The following ANK3 variants were observed in gnomAD, a reference collection of about 807,000 sequenced individuals.
ANK3 encodes ankyrin-3.
Under a neutral mutation model 370.9 loss-of-function variants are expected in ANK3, and 57 were observed. The ratio of observed to expected loss-of-function variants is 0.15; its 90% CI spans 0.12 to 0.19. ANK3 has a LOEUF of 0.19. Ranked by LOEUF, ANK3 falls within the 10% of genes least tolerant of loss-of-function variation. ANK3 has a pLI of 1.00. For missense variants in ANK3, 4,439 were observed against 5,302.1 expected (o/e 0.84, Z 5.06); for synonymous variants, 1,929 against 1,946.3 (o/e 0.99, Z 0.23).
intron 5 of ANK3, among the ~76,000 whole-genome samples, chr10:60,266,781 C>A (rs2097886996): frequency 6.6e-6 from 1 of 152,166 alleles, no homozygotes; most frequent in Non-Finnish European, 1.5e-5. Flanking sequence ...TTGCTTTGTG[C>A]AGTTATTCTT....
intron 1 of ANK3, among the ~76,000 whole-genome samples, chr10:60,314,502 T>A (rs541199237): frequency 6.6e-6 from 1 of 152,284 alleles, no homozygotes; most frequent in Admixed American, 6.5e-5. Flanking sequence ...AGACAGGAAA[T>A]GCAAATGAGG....
chr10:60,613,814 C>G (rs1434806394), intron 2 of ANK3, among the ~76,000 whole-genome samples: 1 of 152,208 alleles, frequency 6.6e-6, no homozygotes, highest in South Asian at 2.1e-4. Context: ...TGGCTCACGC[C>G]TGTAATCCCA....
chr10:60,700,389 C>A (rs965551721), intron 1 of ANK3, among the ~76,000 whole-genome samples: 2 of 152,028 alleles, frequency 1.3e-5, no homozygotes, highest in South Asian at 4.1e-4. Context: ...AGGATAGGAA[C>A]GTATACAAAC....
chr10:60,195,332 C>T (rs894802787), intron 16 of ANK3, among the ~76,000 whole-genome samples: 3 of 147,788 alleles, frequency 2.0e-5, no homozygotes, highest in East Asian at 2.0e-4. Flanking sequence ...TGCAGAGAGC[C>T]GAGATTGCGC....
chr10:60,694,607 A>G (rs559584824), intron 1 of ANK3, among the ~76,000 whole-genome samples: 3 of 152,310 alleles, frequency 2.0e-5, no homozygotes, highest in African/African-American at 7.2e-5. Context: ...ATTCTTAAAG[A>G]AAAGAATTTT....
At chr10:60,578,692 T>C (rs762270324) in intron 2 of ANK3, among the ~76,000 whole-genome samples, 2 of 152,140 alleles carry the variant, frequency 1.3e-5, no homozygotes, top group Non-Finnish European at 2.9e-5. Flanking sequence ...CAGATACAGC[T>C]CCACTGGAGT....
At chr10:60,480,797 C>T (rs2133100482) in intron 2 of ANK3, among the ~76,000 whole-genome samples, 1 of 152,256 alleles carries the variant, frequency 6.6e-6, no homozygotes, top group East Asian at 1.9e-4. Context: ...TCAAATAATC[C>T]CCCAAGCTCT....
chr10:60,096,275 T>C (rs2090112302), intron 28 of ANK3, among the ~76,000 whole-genome samples: 1 of 152,192 alleles, frequency 6.6e-6, no homozygotes, highest in Non-Finnish European at 1.5e-5. Flanking sequence ...AAATGAACAG[T>C]GCCAATATTC....
chr10:60,565,517 G>A (rs2077438451), intron 2 of ANK3, among the ~76,000 whole-genome samples: 1 of 152,160 alleles, frequency 6.6e-6, no homozygotes, highest in African/African-American at 2.4e-5. Flanking sequence ...GTCCTTTTGG[G>A]AAACCCCAGG....
At chr10:60,301,360 G>A (rs773485152) in intron 1 of ANK3, among the ~76,000 whole-genome samples, 7 of 138,278 alleles carry the variant, frequency 5.1e-5, no homozygotes, top group Admixed American at 7.2e-5. Flanking sequence ...ACACATGCAC[G>A]CACAGATACA....
chr10:60,567,359 T>C (rs2077488233), intron 2 of ANK3, among the ~76,000 whole-genome samples: 1 of 152,192 alleles, frequency 6.6e-6, no homozygotes, highest in Admixed American at 6.5e-5. Context: ...TCTACTCTGC[T>C]TGTGATATAT....
At chr10:60,681,061 A>T (rs1349449503) in intron 1 of ANK3, among the ~76,000 whole-genome samples, 1 of 152,152 alleles carries the variant, frequency 6.6e-6, no homozygotes, top group Non-Finnish European at 1.5e-5. Context: ...AAACCTGAAC[A>T]TTATGTTCAA....
chr10:60,320,714 A>C (rs1351917151), intron 1 of ANK3, among the ~76,000 whole-genome samples: 1 of 152,182 alleles, frequency 6.6e-6, no homozygotes, highest in African/African-American at 2.4e-5. Flanking sequence ...CCACCTATAG[A>C]ATGACTTCCC....
intron 41 of ANK3, among the ~76,000 whole-genome samples, chr10:60,058,487 G>A (rs2079649842): frequency 6.6e-6 from 1 of 152,134 alleles, no homozygotes; most frequent in Non-Finnish European, 1.5e-5. Context: ...AAGACTCGTG[G>A]AAAAATAGAA....
At chr10:60,044,085 G>A (rs924868815) in intron 42 of ANK3, 4 of 985,410 alleles carry the variant, frequency 4.1e-6, no homozygotes, top group African/African-American at 1.8e-5. Flanking sequence ...ACATCATCAC[G>A]TTTTCTCTCT....
intron 2 of ANK3, among the ~76,000 whole-genome samples, chr10:60,548,247 T>C (rs918638030): frequency 4.6e-5 from 6 of 129,986 alleles, no homozygotes; most frequent in African/African-American, 1.7e-4. Context: ...GACAAGTCTC[T>C]GTCAGCCAGG....
chr10:60,625,769 C>A (rs922730254), intron 1 of ANK3, among the ~76,000 whole-genome samples: 1 of 152,104 alleles, frequency 6.6e-6, no homozygotes, highest in Non-Finnish European at 1.5e-5. Context: ...ACACACATAT[C>A]TTTATCTTAG....
Position 60,120,888 on chromosome 10 carries a change from A to C in ANK3, c.2842-6557T>G, listed in dbSNP as rs1046845661. Reference sequence around the variant, plus strand: ...CTGTTGGTGGGAATGTAACCACCACAGAGAGCAGTCTGGAGGTTCCTCGAA... The same window carrying C: ...CTGTTGGTGGGAATGTAACCACCACCGAGAGCAGTCTGGAGGTTCCTCGAA... On this transcript the variant is annotated intron_variant, in intron 25 of 43. Transcript: ENST00000280772. 2.0e-5 allele frequency among the ~76,000 whole-genome samples: 3 copies of C among 152,182 alleles called. No individual in the cohort carries two copies. In the South Asian group the frequency reaches 6.2e-4, roughly 31 times the overall value.
intron 2 of ANK3, among the ~76,000 whole-genome samples, chr10:60,420,489 T>C (rs1222379572): frequency 1.3e-5 from 2 of 152,034 alleles, no homozygotes; most frequent in African/African-American, 4.8e-5. Context: ...AAGAGGTAGA[T>C]CATACAGCTA....
Sources: gnomAD v4.1 joint callset for allele counts (sites outside exome capture counted in the v4.1 genomes callset) on GRCh38, gnomAD v4.1.1 for gene constraint, MANE v1.5 for transcripts, NCBI Gene and HGNC (gene_info 2026-07-23, HGNC 2026-07-21) for gene names.